Variants in TXLNG observed in about 807,000 individuals in gnomAD.
TXLNG encodes taxilin gamma, also known as gamma-taxilin.
A neutral mutation model predicts 38.8 loss-of-function variants in TXLNG; 5 were observed. The observed-to-expected ratio is 0.13, with a 90% CI of 0.07 to 0.27. The LOEUF (loss-of-function observed/expected upper bound fraction) is 0.27. Among genes scored for constraint, TXLNG ranks in the 10% least tolerant of loss-of-function variants. TXLNG has a pLI of 1.00. For synonymous variants in TXLNG, 182 were observed against 158.2 expected (o/e 1.15, Z -1.13); for missense variants, 393 against 398.2 (o/e 0.99, Z 0.11).
chrX:16,821,886 C>A (rs747396604), intron 3 of TXLNG, among the ~76,000 whole-genome samples: 1 of 108,461 alleles, frequency 9.2e-6, no homozygotes, highest in African/African-American at 3.4e-5. Flanking sequence ...CCCAGCTACT[C>A]GGGAGGCTGA....
chrX:16,816,683 AT>A (rs1160741588), intron 1 of TXLNG, among the ~76,000 whole-genome samples: 35 of 111,835 alleles, frequency 3.1e-4, no homozygotes, highest in Non-Finnish European at 3.8e-5. Context: ...TAATGTGTTA[AT>A]TTTTTTTAAG....
intron 1 of TXLNG, among the ~76,000 whole-genome samples, chrX:16,789,686 T>C (rs1191114517): frequency 9.3e-6 from 1 of 107,770 alleles, no homozygotes; most frequent in African/African-American, 3.4e-5. Context: ...TAAGGTTGAT[T>C]TAAAAAAAAA....
chrX:16,791,636 A>G (rs756058490), intron 1 of TXLNG, among the ~76,000 whole-genome samples: 2 of 111,680 alleles, frequency 1.8e-5, no homozygotes, highest in Admixed American at 1.9e-4. Context: ...CCCAGGCAGG[A>G]GTGCAATGGC....
At chrX:16,801,279 G>C (rs1323586176) in intron 1 of TXLNG, among the ~76,000 whole-genome samples, 2 of 111,530 alleles carry the variant, frequency 1.8e-5, no homozygotes, top group Non-Finnish European at 3.8e-5. Context: ...TCCACCTCCC[G>C]GGTTCATGCA....
chrX:16,809,027 T>C (rs1289865341), intron 1 of TXLNG, among the ~76,000 whole-genome samples: 1 of 112,073 alleles, frequency 8.9e-6, no homozygotes, highest in Non-Finnish European at 1.9e-5. Context: ...AGATTTTACC[T>C]TTGACATTTT....
chrX:16,843,993 T>C lies in TXLNG; in HGVS notation c.*2227T>C, dbSNP rs1337347669. 9.0e-6 allele frequency: 1 copy of C among 111,649 alleles called. No individual in the cohort carries two copies. The highest frequency in any genetic ancestry group is 1.9e-5 in the Non-Finnish European group (1 of 53,170). The allele number at this position is 111,649 out of a possible 1,213,427, so 9.2% of individuals were successfully genotyped here. On this transcript the variant is annotated 3_prime_UTR_variant, in exon 10 of 10. Transcript: ENST00000380122. ...AGCGCACCCCGTATCTACCATATTC[T>C]AGAACACTGTAATGCTACTAGGCTG...
intron 3 of TXLNG, 33 bp from the exon 4 acceptor site, chrX:16,828,061 A>G: frequency 8.6e-7 from 1 of 1,156,600 alleles, no homozygotes; most frequent in Non-Finnish European, 1.2e-6. Context: ...TTTTTACTGT[A>G]CTTCCTAAAT....
intron 1 of TXLNG, among the ~76,000 whole-genome samples, chrX:16,809,572 G>A (rs772078162): frequency 9.1e-6 from 1 of 110,182 alleles, no homozygotes; most frequent in East Asian, 2.8e-4. Context: ...TCGAACTCCT[G>A]ACCTCAGTTT....
chrX:16,818,987 C>T lies in TXLNG; in HGVS notation c.406+110C>T, dbSNP rs899191287. ...CCACTTTAGAGGTGCTTAGCCAACA[C>T]CCCTAGTGTCTTCGGTGAGGTCAGT... On this transcript the variant is annotated intron_variant, in intron 2 of 9. Transcript: ENST00000380122. The T allele has an allele frequency of 1.8e-5, 15 of 818,328 alleles. No homozygotes were observed. The African/African-American group carries it at 3.2e-4, about 17-fold the overall frequency. The allele number at this position is 818,328 out of a possible 1,213,427, so 67.4% of individuals were successfully genotyped here. A position where few individuals can be genotyped will look rare whatever the true frequency, so the allele number is the denominator to read the frequency against.
chrX:16,828,665 C>T (rs1284122164), intron 4 of TXLNG, among the ~76,000 whole-genome samples: 1 of 112,176 alleles, frequency 8.9e-6, no homozygotes, highest in African/African-American at 3.2e-5. Flanking sequence ...AACTGCTGAG[C>T]TCCTGGGTGG....
intron 1 of TXLNG, among the ~76,000 whole-genome samples, chrX:16,794,255 C>T (rs961741781): frequency 2.1e-4 from 24 of 112,098 alleles, no homozygotes; most frequent in African/African-American, 7.5e-4. Flanking sequence ...GTGAGCAAAA[C>T]ATGCTGGTAG....
At chrX:16,794,342 C>G (rs1007538184) in intron 1 of TXLNG, among the ~76,000 whole-genome samples, 2 of 111,746 alleles carry the variant, frequency 1.8e-5, no homozygotes, top group African/African-American at 6.5e-5. Context: ...TAGGGGATAT[C>G]GAAAATTGAT....
chrX:16,820,810 C>T (rs894108984), intron 3 of TXLNG, among the ~76,000 whole-genome samples: 3 of 112,131 alleles, frequency 2.7e-5, no homozygotes, highest in Admixed American at 1.9e-4. Context: ...CGCCTGTGGT[C>T]CAGGCTAGAG....
At chrX:16,820,338 T>C in intron 3 of TXLNG, 83 bp downstream of exon 3, 2 of 700,192 alleles carry the variant, frequency 2.9e-6, no homozygotes, top group Non-Finnish European at 4.3e-6. Flanking sequence ...AAAGTACAAA[T>C]TTGATATGGC....
chrX:16,829,244 C>T (rs1602392857), intron 4 of TXLNG, among the ~76,000 whole-genome samples: 1 of 111,679 alleles, frequency 9.0e-6, no homozygotes, highest in African/African-American at 3.3e-5. Flanking sequence ...AAGTGTGACC[C>T]AGAAAGTAAG....
chrX:16,795,263 C>G (rs1438461601), intron 1 of TXLNG, among the ~76,000 whole-genome samples: 1 of 109,919 alleles, frequency 9.1e-6, no homozygotes, highest in Non-Finnish European at 1.9e-5. Flanking sequence ...GGCGACAGAG[C>G]GAGACACTGT....
At chrX:16,796,155 C>G (rs777516404) in intron 1 of TXLNG, among the ~76,000 whole-genome samples, 1 of 107,528 alleles carries the variant, frequency 9.3e-6, no homozygotes, top group Admixed American at 1.0e-4. Flanking sequence ...GTGACCGTCA[C>G]TACACTTGTT....
At position 16,803,707 on chromosome X, in the gene TXLNG, A is replaced by C. The variant is rs1928205637; in HGVS notation, c.103-14867A>C. ...GGTGGCTCACGCCTGTAATCCCAGC[A>C]TTTTGGGAGGCCGAGGCGGGCAGAT... On this transcript the variant is annotated intron_variant, in intron 1 of 9. Transcript: ENST00000380122. Among the ~76,000 whole-genome samples the C allele has an allele frequency of 2.8e-5, 3 of 105,393 alleles. No individual in the cohort carries two copies. The South Asian group carries it at 1.4e-3, about 49-fold the overall frequency. 91.5% of individuals were successfully genotyped at this position (105,393 alleles called of 115,157 possible). A position where few individuals can be genotyped will look rare whatever the true frequency, so the allele number is the denominator to read the frequency against.
intron 4 of TXLNG, 32 bp downstream of exon 4, chrX:16,828,296 G>C (rs1253605972): frequency 1.7e-6 from 2 of 1,158,977 alleles, no homozygotes; most frequent in Admixed American, 2.3e-5. Context: ...TTTTTTTCAG[G>C]AGGGACTTAT....
Sources: allele counts gnomAD v4.1 joint callset (sites outside exome capture counted in the v4.1 genomes callset), GRCh38; gene constraint gnomAD v4.1.1; transcripts MANE v1.5; gene names NCBI Gene and HGNC (gene_info 2026-07-23, HGNC 2026-07-21).